The following KIF15 variants were observed in gnomAD, a reference collection of about 807,000 sequenced individuals.
KIF15 encodes the protein kinesin family member 15, also known as kinesin-like protein KIF15.
Under a neutral mutation model 190.6 loss-of-function variants are expected in KIF15, and 140 were observed. The observed-to-expected ratio is 0.73, with a 90% CI of 0.64 to 0.84. KIF15 has a LOEUF of 0.84. Ranked by LOEUF, KIF15 falls within the 40% of genes least tolerant of loss-of-function variation. KIF15 has a pLI of 0.00. For missense variants in KIF15, 1,372 were observed against 1,584.4 expected, an observed-to-expected ratio of 0.87 and a Z score of 2.28; for synonymous variants, 528 against 551.3, an observed-to-expected ratio of 0.96 and a Z score of 0.59.
chr3:44,786,411 G>GT lies in KIF15; in HGVS notation c.479dup (p.Leu161ProfsTer3). ...TTTTTACAGGCTGGAGCTGGAAAGA[G>GT]TTTCCTTTGTAAGTGTTCCTTTATT... On this transcript the variant is annotated frameshift_variant, in exon 7 of 35. Coordinates refer to ENST00000326047, the MANE Select transcript of KIF15 (RefSeq NM_020242.3). LOFTEE classifies it high-confidence loss of function. The GT allele has an allele frequency of 6.2e-7, 1 of 1,609,774 alleles. No homozygotes were observed.
At chr3:44,804,993 A>G (rs1394410569) in intron 14 of KIF15, 34 bp from the exon 15 acceptor site, 14 of 1,583,718 alleles carry the variant, frequency 8.8e-6, no homozygotes, top group Non-Finnish European at 1.2e-5. Flanking sequence ...CAGAAAAAAA[A>G]AAAAAAAGAC....
chr3:44,771,585 G>A (rs1375166757), intron 1 of KIF15, among the ~76,000 whole-genome samples: 1 of 152,166 alleles, frequency 6.6e-6, no homozygotes, highest in African/African-American at 2.4e-5. Context: ...GAATATGTTA[G>A]AGGTTTAAAA....
intron 14 of KIF15, 69 bp from the exon 15 acceptor site, chr3:44,804,958 T>C (rs1707424945): frequency 1.3e-6 from 2 of 1,497,142 alleles, no homozygotes; most frequent in Non-Finnish European, 1.8e-6. Flanking sequence ...CACTCTAGCC[T>C]GGGCAACATA....
chr3:44,843,786 C>T (rs142392226), intron 30 of KIF15, among the ~76,000 whole-genome samples: 1 of 152,268 alleles, frequency 6.6e-6, no homozygotes, highest in African/African-American at 2.4e-5. Flanking sequence ...TATATCTTGT[C>T]TTTGACTTAA....
intron 32 of KIF15, among the ~76,000 whole-genome samples, chr3:44,851,240 T>C (rs551944492): frequency 6.6e-6 from 1 of 152,102 alleles, no homozygotes; most frequent in East Asian, 1.9e-4. Flanking sequence ...TACTCTAGCC[T>C]GGGCAGCAGA....
chr3:44,780,826 TAGG>T (rs1706127164), intron 4 of KIF15, 56 bp from the exon 5 acceptor site: 5 of 1,111,204 alleles, frequency 4.5e-6, no homozygotes, highest in Non-Finnish European at 6.6e-6. Flanking sequence ...AGTATTATAA[TAGG>T]AGGAGTAGTC....
intron 6 of KIF15, among the ~76,000 whole-genome samples, chr3:44,858,441 G>T (rs984522509): frequency 2.1e-4 from 32 of 152,194 alleles, no homozygotes; most frequent in African/African-American, 7.5e-4. Context: ...AGCAGGGTAA[G>T]GGTGATTAGG....
intron 2 of KIF15, among the ~76,000 whole-genome samples, chr3:44,774,735 G>A (rs888327129): frequency 3.3e-5 from 5 of 152,190 alleles, no homozygotes; most frequent in Admixed American, 3.3e-4. Flanking sequence ...TTGAGTTCAA[G>A]TAAAGGGATG....
At chr3:44,838,919 G>C (rs1698458686) in intron 27 of KIF15, among the ~76,000 whole-genome samples, 1 of 152,094 alleles carries the variant, frequency 6.6e-6, no homozygotes, top group Non-Finnish European at 1.5e-5. Context: ...TTGACACATG[G>C]CAACCAGTTC....
Position 44,838,292 on chromosome 3 carries a change from G to A in KIF15, c.3189G>A (p.Glu1063=), listed in dbSNP as rs894386489. 1.2e-6 allele frequency: 2 copies of A among 1,612,816 alleles called. No individual in the cohort carries two copies. The highest frequency in any genetic ancestry group is 2.2e-5 in the South Asian group (2 of 90,852). Residue 1063 remains glutamate, a synonymous_variant, in exon 27 of 35, where the codon GAG becomes GAA. Transcript: ENST00000326047. ...CCTAACAGAGGGATATGCTCTGTGA[G>A]GACCTGGCTCATGCCACTGAGCAGC... ...SEDIERDMLC[E]DLAHATEQLN... is the part of the protein sequence containing the mutation.
At chr3:44,768,229 G>A (rs1402352792) in intron 1 of KIF15, among the ~76,000 whole-genome samples, 6 of 151,336 alleles carry the variant, frequency 4.0e-5, no homozygotes, top group African/African-American at 7.3e-5. Context: ...AGCCAAGATC[G>A]TGGCACTGCA....
At chr3:44,764,357 T>C (rs909854103) in intron 1 of KIF15, among the ~76,000 whole-genome samples, 6 of 152,204 alleles carry the variant, frequency 3.9e-5, no homozygotes, top group East Asian at 1.9e-4. Flanking sequence ...TGGTACAGTA[T>C]GTATTCTTTT....
At chr3:44,862,137 G>A (rs1285331503) in intron 6 of KIF15, 5 of 1,210,514 alleles carry the variant, frequency 4.1e-6, no homozygotes, top group Non-Finnish European at 5.1e-6. Context: ...GGGCGCTGTT[G>A]GTGCTGCTGC....
chr3:44,845,707 A>G (rs929568062), intron 30 of KIF15, among the ~76,000 whole-genome samples: 1 of 151,878 alleles, frequency 6.6e-6, no homozygotes, highest in Non-Finnish European at 1.5e-5. Flanking sequence ...CCTATAATAT[A>G]CCTTATCACA....
intron 29 of KIF15, among the ~76,000 whole-genome samples, chr3:44,841,757 A>G (rs1698619202): frequency 6.6e-6 from 1 of 152,198 alleles, no homozygotes; most frequent in South Asian, 2.1e-4. Flanking sequence ...AAATTCAAAA[A>G]GCACAGAACT....
intron 19 of KIF15, chr3:44,813,387 C>A: frequency 2.6e-6 from 1 of 383,504 alleles, no homozygotes; most frequent in Non-Finnish European, 4.6e-6. Flanking sequence ...TGCCCACAAA[C>A]AAATGATACA....
At chr3:44,797,383 G>C (rs1253242685) in intron 8 of KIF15, among the ~76,000 whole-genome samples, 168 bp from the exon 9 acceptor site, 1 of 152,006 alleles carries the variant, frequency 6.6e-6, no homozygotes, top group Non-Finnish European at 1.5e-5. Flanking sequence ...AAAAGGTTAG[G>C]GATAGTTCAG....
intron 6 of KIF15, among the ~76,000 whole-genome samples, chr3:44,866,110 T>C (rs1256171872): frequency 6.6e-6 from 1 of 150,728 alleles, no homozygotes; most frequent in African/African-American, 2.4e-5. Flanking sequence ...TCTCGCTCTG[T>C]CACCCAGGCT....
chr3:44,776,749 A>G (rs1705908636), intron 3 of KIF15, among the ~76,000 whole-genome samples: 1 of 152,184 alleles, frequency 6.6e-6, no homozygotes, highest in African/African-American at 2.4e-5. Context: ...AGTGATGGAA[A>G]TGTTCTGTAT....
Sources: gnomAD v4.1 joint callset for allele counts (sites outside exome capture counted in the v4.1 genomes callset) on GRCh38, gnomAD v4.1.1 for gene constraint, MANE v1.5 for transcripts, NCBI Gene and HGNC (gene_info 2026-07-23, HGNC 2026-07-21) for gene names.